The following MAP4K3 variants were observed in gnomAD, a reference collection of about 807,000 sequenced individuals.
MAP4K3 encodes mitogen-activated protein kinase kinase kinase kinase 3.
In MAP4K3, 94 loss-of-function variants were observed where a neutral mutation model predicts 143.5. The ratio of observed to expected loss-of-function variants is 0.65; its 90% CI spans 0.55 to 0.78. MAP4K3 has a LOEUF of 0.78. Among genes scored for constraint, MAP4K3 ranks in the 30% least tolerant of loss-of-function variants. MAP4K3 has a pLI of 0.00. For missense variants in MAP4K3, 1,077 were observed against 1,068.1 expected (o/e 1.01, Z -0.12); for synonymous variants, 416 against 347.2 (o/e 1.20, Z -2.20).
chr2:39,419,345 C>A (rs1161773509), intron 1 of MAP4K3, among the ~76,000 whole-genome samples: 1 of 152,044 alleles, frequency 6.6e-6, no homozygotes, highest in African/African-American at 2.4e-5. Flanking sequence ...TTTAAAAATA[C>A]ATTGTCTAAA....
At chr2:39,256,967 C>A (rs1680365059) in intron 31 of MAP4K3, among the ~76,000 whole-genome samples, 1 of 152,174 alleles carries the variant, frequency 6.6e-6, no homozygotes, top group African/African-American at 2.4e-5. Context: ...TGCTTTTTGA[C>A]CCTGGCTATG....
chr2:39,312,744 A>T (rs1010447617), intron 13 of MAP4K3, among the ~76,000 whole-genome samples: 2 of 152,224 alleles, frequency 1.3e-5, no homozygotes, highest in Non-Finnish European at 2.9e-5. Flanking sequence ...ATTACAAAAT[A>T]ACTTTTAGTA....
At chr2:39,264,117 T>C (rs1415841610) in intron 28 of MAP4K3, among the ~76,000 whole-genome samples, 2 of 151,996 alleles carry the variant, frequency 1.3e-5, no homozygotes, top group South Asian at 2.1e-4. Flanking sequence ...AAGGAAGAGG[T>C]TGATGAAAAA....
chr2:39,293,568 C>T (rs531686222), intron 16 of MAP4K3, among the ~76,000 whole-genome samples: 1 of 152,204 alleles, frequency 6.6e-6, no homozygotes, highest in African/African-American at 2.4e-5. Flanking sequence ...TGGAATGTCA[C>T]AACAGTACTG....
At chr2:39,261,446 A>G (rs1413419375) in intron 28 of MAP4K3, among the ~76,000 whole-genome samples, 3 of 152,212 alleles carry the variant, frequency 2.0e-5, no homozygotes, top group African/African-American at 7.2e-5. Flanking sequence ...GATAAATACT[A>G]TACATACCCA....
At chr2:39,308,238 C>T (rs971223120) in intron 14 of MAP4K3, among the ~76,000 whole-genome samples, 3 of 152,150 alleles carry the variant, frequency 2.0e-5, no homozygotes, top group African/African-American at 4.8e-5. Flanking sequence ...TGCCAACTTA[C>T]AAAGGGAAAC....
intron 2 of MAP4K3, among the ~76,000 whole-genome samples, chr2:39,377,224 A>G (rs1189914025): frequency 1.4e-4 from 3 of 22,130 alleles, no homozygotes; most frequent in African/African-American, 2.0e-4. Context: ...TTAAACAGAA[A>G]AAGTTTTTCC....
intron 16 of MAP4K3, among the ~76,000 whole-genome samples, chr2:39,293,563 T>C (rs1364250822): frequency 5.9e-5 from 9 of 152,180 alleles, no homozygotes; most frequent in Non-Finnish European, 1.2e-4. Context: ...CACCATGGAA[T>C]GTCACAACAG....
intron 4 of MAP4K3, among the ~76,000 whole-genome samples, chr2:39,342,237 C>T (rs1434820448): frequency 1.3e-5 from 2 of 152,024 alleles, no homozygotes; most frequent in East Asian, 3.9e-4. Flanking sequence ...CTCCTAGGTT[C>T]AAGCAATTCT....
intron 3 of MAP4K3, among the ~76,000 whole-genome samples, chr2:39,351,725 G>C (rs1241788834): frequency 1.3e-5 from 2 of 152,184 alleles, no homozygotes; most frequent in Admixed American, 6.5e-5. Context: ...CTGGAGTGTA[G>C]TGGAGTGATC....
intron 14 of MAP4K3, among the ~76,000 whole-genome samples, chr2:39,308,470 G>C (rs1006665623): frequency 1.3e-5 from 2 of 152,040 alleles, no homozygotes; most frequent in Non-Finnish European, 2.9e-5. Context: ...GTATGCTTCA[G>C]TCAAGTGAGT....
At chr2:39,434,015 T>G (rs768090710) in intron 1 of MAP4K3, among the ~76,000 whole-genome samples, 4 of 152,220 alleles carry the variant, frequency 2.6e-5, no homozygotes, top group Admixed American at 6.5e-5. Flanking sequence ...ACATCCTTGT[T>G]CAGTGCTTTG....
chr2:39,363,394 G>A (rs541490550), intron 2 of MAP4K3, among the ~76,000 whole-genome samples: 178 of 149,300 alleles, frequency 1.2e-3, no homozygotes, highest in Non-Finnish European at 2.2e-3. Flanking sequence ...AGGGCTCGGC[G>A]CAGTGGCTCA....
chr2:39,272,846 A>C (rs1313883268), intron 24 of MAP4K3, among the ~76,000 whole-genome samples: 2 of 152,154 alleles, frequency 1.3e-5, no homozygotes, highest in African/African-American at 4.8e-5. Context: ...ATTTTCAAAC[A>C]ACATCTATTC....
At chr2:39,265,075 A>G in intron 28 of MAP4K3, 128 bp downstream of exon 28, 1 of 699,856 alleles carries the variant, frequency 1.4e-6, no homozygotes, top group East Asian at 2.6e-5. Context: ...AGATTTTTAC[A>G]ACCCTGCCAC....
At chr2:39,397,811 T>G (rs1019890648) in intron 1 of MAP4K3, among the ~76,000 whole-genome samples, 1 of 152,224 alleles carries the variant, frequency 6.6e-6, no homozygotes, top group East Asian at 1.9e-4. Context: ...AAAGAATTCT[T>G]AGAAACAGAG....
chr2:39,423,619 TG>T (rs1664961173), intron 1 of MAP4K3, among the ~76,000 whole-genome samples: 1 of 152,190 alleles, frequency 6.6e-6, no homozygotes, highest in Admixed American at 6.5e-5. Flanking sequence ...CAAAAAGTTA[TG>T]GAAGAAACTT....
chr2:39,391,287 C>T (rs181392310), intron 1 of MAP4K3, among the ~76,000 whole-genome samples: 21 of 129,566 alleles, frequency 1.6e-4, no homozygotes, highest in East Asian at 2.3e-4. Context: ...TGAACCCAGG[C>T]GGCAGAGCTT....
chr2:39,426,333 C>A (rs113293148), intron 1 of MAP4K3, among the ~76,000 whole-genome samples: 2 of 152,064 alleles, frequency 1.3e-5, no homozygotes, highest in Admixed American at 1.3e-4. Flanking sequence ...CTAAAAATAG[C>A]ATATGATTCT....
Sources: gnomAD v4.1 joint callset for allele counts (sites outside exome capture counted in the v4.1 genomes callset) on GRCh38, gnomAD v4.1.1 for gene constraint, MANE v1.5 for transcripts, NCBI Gene and HGNC (gene_info 2026-07-23, HGNC 2026-07-21) for gene names.